GDPD5: variants seen among roughly 807,000 people sequenced by gnomAD.
The protein encoded by GDPD5 is glycerophosphodiester phosphodiesterase 2.
Under a neutral mutation model 75.1 loss-of-function variants are expected in GDPD5, and 48 were observed. The ratio of observed to expected loss-of-function variants is 0.64; its 90% confidence interval spans 0.51 to 0.81. GDPD5 has a LOEUF of 0.81. Ranked by LOEUF, GDPD5 falls within the 40% of genes least tolerant of loss-of-function variation. The pLI, the probability that GDPD5 is intolerant of heterozygous loss-of-function variation, is 0.00. For synonymous variants in GDPD5, 336 were observed against 339.0 expected (o/e 0.99, Z 0.10); for missense variants, 706 against 822.6 (o/e 0.86, Z 1.73).
At chr11:75,457,672 C>T in intron 5 of GDPD5, 21 bp downstream of exon 5, 1 of 1,612,198 alleles carries the variant, frequency 6.2e-7, no homozygotes, top group Non-Finnish European at 8.5e-7. Flanking sequence ...GCCACCTGCC[C>T]TCCAAAACAG....
intron 3 of GDPD5, among the ~76,000 whole-genome samples, chr11:75,471,274 G>C (rs540389096): frequency 6.6e-6 from 1 of 152,192 alleles, no homozygotes; most frequent in Non-Finnish European, 1.5e-5. Flanking sequence ...CGGGAGATTT[G>C]GGGGAGGTGG....
At chr11:75,470,547 A>G (rs946153833) in intron 3 of GDPD5, among the ~76,000 whole-genome samples, 46 of 152,310 alleles carry the variant, frequency 3.0e-4, no homozygotes, top group Admixed American at 1.2e-3. Flanking sequence ...ATCCATCTAT[A>G]TATAGTTCCA....
At chr11:75,496,779 C>CTTT (rs544914858) in intron 1 of GDPD5, among the ~76,000 whole-genome samples, 113 of 103,132 alleles carry the variant, frequency 1.1e-3, no homozygotes, top group South Asian at 1.7e-3. Context: ...TTCTTTCTTT[C>CTTT]TTTTTTTTTT....
Position 75,497,079 on chromosome 11 carries a change from G to A in GDPD5, c.-144-6759C>T, listed in dbSNP as rs984813078. On this transcript the variant is annotated intron_variant, in intron 1 of 16. Transcript: ENST00000336898. ...ATTACAGGCATGAGCCACCATGTCC[G>A]GCTGCAGTAGATATTTTTTATAGAT... 8.6e-5 allele frequency among the ~76,000 whole-genome samples: 13 copies of A among 151,986 alleles called. No homozygotes were observed. The South Asian group carries it at 1.9e-3, about 22-fold the overall frequency.
intron 1 of GDPD5, among the ~76,000 whole-genome samples, chr11:75,513,066 A>T (rs1209438226): frequency 6.6e-6 from 1 of 152,184 alleles, no homozygotes; most frequent in African/African-American, 2.4e-5. Context: ...ACAGCATCAC[A>T]CGTGGAGGGT....
chr11:75,450,232 G>A (rs1044469680), intron 6 of GDPD5, among the ~76,000 whole-genome samples: 3 of 152,156 alleles, frequency 2.0e-5, no homozygotes, highest in African/African-American at 7.2e-5. Flanking sequence ...AAGGGACAGC[G>A]AGAAATGGAA....
chr11:75,442,356 G>T lies in GDPD5; in HGVS notation c.1167+7C>A, dbSNP rs372653666. 4 of 1,546,286 alleles carry T rather than the reference G, an allele frequency of 2.6e-6. No homozygotes were observed. The African/African-American group carries it at 4.1e-5, about 16-fold the overall frequency. ...CCCGGGGGCAGAGCTGCGTTGCAGG[G>T]CCTCACCTGGTGCTGGGGGAAGCCG... On this transcript the variant is annotated splice_region_variant and intron_variant, in intron 12 of 16. Coordinates refer to ENST00000336898, the MANE Select transcript of GDPD5 (RefSeq NM_030792.8).
chr11:75,493,831 C>T (rs1325711235), intron 1 of GDPD5, among the ~76,000 whole-genome samples: 1 of 152,198 alleles, frequency 6.6e-6, no homozygotes, highest in East Asian at 1.9e-4. Context: ...GGCATTTCTT[C>T]CTGCTCCAAT....
At chr11:75,465,070 G>A (rs986622305) in intron 3 of GDPD5, among the ~76,000 whole-genome samples, 1 of 152,158 alleles carries the variant, frequency 6.6e-6, no homozygotes, top group African/African-American at 2.4e-5. Flanking sequence ...TGAGTCCCAG[G>A]CCAGCTTAAA....
chr11:75,436,275 G>T (rs990248221), intron 16 of GDPD5, among the ~76,000 whole-genome samples: 1 of 152,102 alleles, frequency 6.6e-6, no homozygotes. Context: ...CTTCATTCTT[G>T]GTGCCCAGGC....
intron 1 of GDPD5, among the ~76,000 whole-genome samples, chr11:75,519,106 T>C (rs986178243): frequency 3.9e-5 from 6 of 152,160 alleles, no homozygotes; most frequent in Non-Finnish European, 8.8e-5. Context: ...CCTCATGCCC[T>C]GAAAGCAGAA....
chr11:75,459,793 G>A (rs1440803063), intron 4 of GDPD5, among the ~76,000 whole-genome samples: 10 of 143,868 alleles, frequency 7.0e-5, no homozygotes, highest in African/African-American at 2.4e-4. Flanking sequence ...CTGGGTGACA[G>A]AGCGAGACTG....
chr11:75,520,814 C>T (rs994367670), intron 1 of GDPD5, among the ~76,000 whole-genome samples: 2 of 152,222 alleles, frequency 1.3e-5, no homozygotes, highest in Non-Finnish European at 2.9e-5. Context: ...TGCCAGTGAC[C>T]CCGCTGTGGC....
intron 2 of GDPD5, among the ~76,000 whole-genome samples, chr11:75,478,162 CTTTTT>C (rs1296052631): frequency 1.3e-5 from 2 of 152,132 alleles, no homozygotes; most frequent in African/African-American, 2.4e-5. Flanking sequence ...CTTTTCTTTT[CTTTTT>C]GAGACAGAGT....
chr11:75,480,336 A>T (rs1013675420), intron 2 of GDPD5, among the ~76,000 whole-genome samples: 6 of 152,064 alleles, frequency 3.9e-5, no homozygotes, highest in South Asian at 2.1e-4. Flanking sequence ...TCAAAAAAAA[A>T]AAAAAAGAAT....
intron 9 of GDPD5, 40 bp from the exon 10 acceptor site, chr11:75,444,535 G>C: frequency 6.9e-7 from 1 of 1,455,076 alleles, no homozygotes; most frequent in Non-Finnish European, 9.6e-7. Flanking sequence ...CCAAGATTCA[G>C]CTGATGTACC....
At chr11:75,500,123 C>T (rs933947014) in intron 1 of GDPD5, among the ~76,000 whole-genome samples, 4 of 152,182 alleles carry the variant, frequency 2.6e-5, no homozygotes, top group African/African-American at 7.2e-5. Context: ...ACCCTCCCTG[C>T]CCCTGGCAGA....
At chr11:75,490,038 T>A (rs1950081692) in intron 2 of GDPD5, among the ~76,000 whole-genome samples, 199 bp downstream of exon 2, 1 of 152,166 alleles carries the variant, frequency 6.6e-6, no homozygotes, top group South Asian at 2.1e-4. Context: ...CAGACAAGTA[T>A]CTGGAACGCT....
chr11:75,483,233 G>A (rs893873973), intron 2 of GDPD5, among the ~76,000 whole-genome samples: 6 of 152,180 alleles, frequency 3.9e-5, no homozygotes, highest in African/African-American at 1.2e-4. Flanking sequence ...TGAGCCTGAT[G>A]TCCAAGGCCC....
Sources: gnomAD v4.1 joint callset for allele counts (sites outside exome capture counted in the v4.1 genomes callset) on GRCh38, gnomAD v4.1.1 for gene constraint, MANE v1.5 for transcripts, NCBI Gene and HGNC (gene_info 2026-07-23, HGNC 2026-07-21) for gene names.